Variants in CELF2 observed in about 807,000 individuals in gnomAD.
CELF2 encodes CUGBP Elav-like family member 2.
A neutral mutation model predicts 62.6 loss-of-function variants in CELF2; 8 were observed. That is an observed-to-expected ratio of 0.13 (90% CI 0.07 to 0.23). The LOEUF is 0.23. CELF2 is among the 10% of genes least tolerant of loss of function. CELF2 has a pLI of 1.00. For synonymous variants in CELF2, 258 were observed against 250.0 expected, an observed-to-expected ratio of 1.03 and a Z score of -0.30; for missense variants, 333 against 671.0, an observed-to-expected ratio of 0.50 and a Z score of 5.56.
At chr10:10,688,219 C>T in the CELF2 span, among the ~76,000 whole-genome samples, 1 of 152,184 alleles carries the variant, frequency 6.6e-6, no homozygotes, top group Non-Finnish European at 1.5e-5. Flanking sequence ...ACTGTAGGTC[C>T]TGTAACTGCA....
chr10:10,897,618 A>C (rs1018367526), intron 1 of CELF2, among the ~76,000 whole-genome samples: 1 of 152,164 alleles, frequency 6.6e-6, no homozygotes, highest in African/African-American at 2.4e-5. Flanking sequence ...TCATGGACCC[A>C]AGCAACCATC....
intron 1 of CELF2, among the ~76,000 whole-genome samples, chr10:10,879,479 T>C (rs1471104087): frequency 2.0e-5 from 3 of 152,222 alleles, no homozygotes; most frequent in Non-Finnish European, 2.9e-5. Context: ...AAGTTGTTCA[T>C]ACCACAGATT....
At chr10:10,963,374 C>G (rs2049761660) in intron 2 of CELF2, among the ~76,000 whole-genome samples, 1 of 152,048 alleles carries the variant, frequency 6.6e-6, no homozygotes, top group Non-Finnish European at 1.5e-5. Context: ...TTTTATTCAA[C>G]CCTGAAAAAA....
intron 8 of CELF2, among the ~76,000 whole-genome samples, chr10:11,281,667 C>T (rs963904364): frequency 2.0e-5 from 3 of 152,142 alleles, no homozygotes; most frequent in African/African-American, 7.2e-5. Flanking sequence ...GTAGGAGGAT[C>T]GCTTGAGCCT....
Position 11,305,058 on chromosome 10 carries a change from G to T in CELF2, c.977-9081G>T, listed in dbSNP as rs1368715591. On this transcript the variant is annotated intron_variant, in intron 9 of 12. Coordinates refer to ENST00000633077, the MANE Select transcript of CELF2 (RefSeq NM_001326342.2). This position sits in a 1 kb window ranked among gnomAD's most constrained non-coding sequence, Gnocchi z 4.8. ...CATCGGCATCTTCTGGTTCAACTCGGTGCCCCTCCTCCAGCCCTGGCCCAG... is the reference window on the plus strand; with the variant it reads ...CATCGGCATCTTCTGGTTCAACTCGTTGCCCCTCCTCCAGCCCTGGCCCAG... Among the ~76,000 whole-genome samples the T allele has an allele frequency of 4.2e-5, 3 of 71,750 alleles. No individual in the cohort carries two copies. Among genetic ancestry groups the T allele is most frequent in the Non-Finnish European group, 4.7e-5 (1 of 21,488 alleles). The allele number at this position is 71,750 out of a possible 152,430, so 47.1% of individuals were successfully genotyped here. A position where few individuals can be genotyped will look rare whatever the true frequency, so the allele number is the denominator to read the frequency against.
chr10:10,769,148 A>G, the CELF2 span, among the ~76,000 whole-genome samples: 2 of 152,246 alleles, frequency 1.3e-5, no homozygotes, highest in South Asian at 4.1e-4. Context: ...TGAGCTTGGT[A>G]TTGTGCTACA....
At chr10:10,891,689 C>T (rs577518096) in intron 1 of CELF2, among the ~76,000 whole-genome samples, 15 of 152,264 alleles carry the variant, frequency 9.9e-5, no homozygotes, top group African/African-American at 2.2e-4. Context: ...GCGGCTGCTT[C>T]GCTGTTTATT....
upstream of CELF2, among the ~76,000 whole-genome samples, chr10:10,795,533 CTGTT>C (rs1031147654): frequency 1.5e-4 from 23 of 152,130 alleles, no homozygotes; most frequent in South Asian, 2.1e-4. Context: ...GGCAACATTT[CTGTT>C]TGTTTGTGTT....
intron 1 of CELF2, among the ~76,000 whole-genome samples, chr10:10,888,406 A>G (rs2061907898): frequency 6.6e-6 from 1 of 152,202 alleles, no homozygotes; most frequent in African/African-American, 2.4e-5. Flanking sequence ...CTCACACCAT[A>G]ACTTTAATCA....
Position 11,268,479 on chromosome 10 carries a change from G to A in CELF2, c.618+1802G>A, listed in dbSNP as rs2082781636. On this transcript the variant is annotated intron_variant, in intron 6 of 12. Transcript: ENST00000633077. This position sits in a 1 kb window ranked among gnomAD's most constrained non-coding sequence, Gnocchi z 4.7. ...GTTCCCCTGTGTTCCTGTAGAAGGAGGACTCTGGATCATAAAGCAGAACTG... is the reference window on the plus strand; with the variant it reads ...GTTCCCCTGTGTTCCTGTAGAAGGAAGACTCTGGATCATAAAGCAGAACTG... Among the ~76,000 whole-genome samples, 1 of 152,166 alleles carries A rather than the reference G, an allele frequency of 6.6e-6. No individual in the cohort carries two copies. The highest frequency in any genetic ancestry group is 1.5e-5 in the Non-Finnish European group (1 of 68,030).
chr10:11,177,583 A>G lies in CELF2; in HGVS notation c.271+11901A>G, dbSNP rs951492457. Among the ~76,000 whole-genome samples, 4 of 152,208 alleles carry G rather than the reference A, an allele frequency of 2.6e-5. No individual in the cohort carries two copies. Among genetic ancestry groups the G allele is most frequent in the Non-Finnish European group, 5.9e-5 (4 of 68,028 alleles). On this transcript the variant is annotated intron_variant, in intron 2 of 12. Transcript: ENST00000633077. This position sits in a 1 kb window ranked among gnomAD's most constrained non-coding sequence, Gnocchi z 4.8. The stretch of plus-strand genomic sequence containing the variant: ...TTTGCATTTCCATGAGTCAGGGAGA[A>G]AACAGACCAGCCTGGTTTCACGTTC...
At chr10:10,709,935 G>A in the CELF2 span, among the ~76,000 whole-genome samples, 1 of 152,226 alleles carries the variant, frequency 6.6e-6, no homozygotes, top group Admixed American at 6.5e-5. Context: ...GTTATAGAAG[G>A]GGGAGCTTTC....
chr10:10,657,392 G>GTATA, the CELF2 span, among the ~76,000 whole-genome samples: 80 of 151,404 alleles, frequency 5.3e-4, 1 homozygote, highest in South Asian at 9.4e-3. Context: ...ATATTTAAAA[G>GTATA]TATATACATA....
Position 11,247,035 on chromosome 10 carries a change from C to T in CELF2, c.355-2118C>T, listed in dbSNP as rs2075803726. On this transcript the variant is annotated intron_variant, in intron 3 of 12. Coordinates refer to ENST00000633077, the MANE Select transcript of CELF2 (RefSeq NM_001326342.2). The surrounding 1 kb of genome is among the most constrained non-coding windows in gnomAD (Gnocchi z 5.4). ...CCTTCTCCACCATCCCCACAACCAG[C>T]CAGTCGCCATGAAGTTCAGCCTCCA... 6.6e-6 allele frequency among the ~76,000 whole-genome samples: 1 copy of T among 152,226 alleles called. No homozygotes were observed. Among genetic ancestry groups the T allele is most frequent in the Non-Finnish European group, 1.5e-5 (1 of 68,040 alleles).
chr10:10,802,179 A>G (rs772512992), intron 1 of CELF2, among the ~76,000 whole-genome samples: 7 of 152,216 alleles, frequency 4.6e-5, no homozygotes, highest in Non-Finnish European at 8.8e-5. Context: ...CTATGATTAA[A>G]AGAATAAAAT....
chr10:10,504,250 G>C, the CELF2 span, among the ~76,000 whole-genome samples: 1 of 151,958 alleles, frequency 6.6e-6, no homozygotes, highest in Non-Finnish European at 1.5e-5. Context: ...CATTCTTTTA[G>C]GGTAAGTCTG....
At chr10:10,968,207 G>T (rs2050350863) in intron 2 of CELF2, among the ~76,000 whole-genome samples, 2 of 152,232 alleles carry the variant, frequency 1.3e-5, no homozygotes, top group African/African-American at 4.8e-5. Context: ...ATCAAGAATT[G>T]ACAGCGCATC....
chr10:11,155,739 A>T (rs2064233938), intron 1 of CELF2, among the ~76,000 whole-genome samples: 1 of 152,190 alleles, frequency 6.6e-6, no homozygotes, highest in African/African-American at 2.4e-5. Context: ...ATTAGCTCCC[A>T]TGGACTGTCA....
the CELF2 span, among the ~76,000 whole-genome samples, chr10:10,586,966 AG>A: frequency 6.6e-6 from 1 of 152,166 alleles, no homozygotes; most frequent in African/African-American, 2.4e-5. Flanking sequence ...TGCAGGGTAC[AG>A]GGAGAAGGCC....
Sources: gnomAD v4.1 joint callset for allele counts (sites outside exome capture counted in the v4.1 genomes callset) on GRCh38, gnomAD v4.1.1 for gene constraint, Gnocchi (gnomAD v3.1) non-coding constraint, MANE v1.5 for transcripts, NCBI Gene and HGNC (gene_info 2026-07-23, HGNC 2026-07-21) for gene names.